PRKDC: variants seen among roughly 807,000 people sequenced by gnomAD.
The protein encoded by PRKDC is protein kinase, DNA-activated, catalytic subunit.
A neutral mutation model predicts 486.9 loss-of-function variants in PRKDC; 82 were observed. That is an observed-to-expected ratio of 0.17 (90% CI 0.14 to 0.20). The LOEUF is 0.20. PRKDC is among the 10% of genes least tolerant of loss of function. The pLI, the probability that PRKDC is intolerant of heterozygous loss-of-function variation, is 1.00. For synonymous variants in PRKDC, 1,895 were observed against 1,837.0 expected (o/e 1.03, Z -0.81); for missense variants, 4,504 against 5,038.2 (o/e 0.89, Z 3.21).
intron 1 of PRKDC, among the ~76,000 whole-genome samples, chr8:47,957,963 C>T (rs1280113671): frequency 6.6e-6 from 1 of 152,200 alleles, no homozygotes; most frequent in Non-Finnish European, 1.5e-5. Context: ...ATCCCAATCC[C>T]TGGGGTCACA....
At chr8:47,801,774 C>T (rs7838910) in intron 70 of PRKDC, among the ~76,000 whole-genome samples, 34,184 of 152,086 alleles carry the variant, frequency 0.22, 7,497 homozygotes, top group African/African-American at 0.56. Flanking sequence ...CCAGCGCTGG[C>T]TAAGTCTGCA....
At position 47,819,386 on chromosome 8, in the gene PRKDC, C is replaced by T. The variant is rs755999101; in HGVS notation, c.9445+16G>A. 2.3e-5 allele frequency: 33 copies of T among 1,430,846 alleles called. No individual in the cohort carries two copies. The highest frequency in any genetic ancestry group is 2.7e-5 in the Non-Finnish European group (29 of 1,057,174). 88.6% of individuals were successfully genotyped at this position (1,430,846 alleles called of 1,614,324 possible). A position where few individuals can be genotyped will look rare whatever the true frequency, so the allele number is the denominator to read the frequency against. ...ACAATTAGAAATGAAAAAAAAAGACCGATGAAAAAAATTACCTTGTTTGCT... is the reference window on the plus strand; with the variant it reads ...ACAATTAGAAATGAAAAAAAAAGACTGATGAAAAAAATTACCTTGTTTGCT... On this transcript the variant is annotated intron_variant, in intron 67 of 85. Coordinates refer to ENST00000314191, the MANE Select transcript of PRKDC (RefSeq NM_006904.7).
intron 85 of PRKDC, among the ~76,000 whole-genome samples, chr8:47,775,435 G>C (rs2086592379): frequency 7.4e-6 from 1 of 135,562 alleles, no homozygotes; most frequent in South Asian, 2.5e-4. Flanking sequence ...GCAATGGCGT[G>C]ATCTCGGCTC....
intron 78 of PRKDC, among the ~76,000 whole-genome samples, chr8:47,783,419 C>T (rs976951283): frequency 2.6e-5 from 4 of 151,806 alleles, no homozygotes; most frequent in African/African-American, 9.7e-5. Flanking sequence ...GAAACCCTGT[C>T]TCTACTAAAA....
chr8:47,816,017 C>T (rs780049966), intron 68 of PRKDC, among the ~76,000 whole-genome samples: 1 of 152,090 alleles, frequency 6.6e-6, no homozygotes, highest in East Asian at 1.9e-4. Context: ...AGTTCAAGAC[C>T]AGCTTGGCCA....
rs759496711 is a variant in PRKDC, at chr8:47,821,685, T to A, written c.9030A>T (p.Ser3010=). 81 of 1,601,798 alleles carry A rather than the reference T, an allele frequency of 5.1e-5. No individual in the cohort carries two copies. The Admixed American group carries it at 1.4e-3, about 27-fold the overall frequency. The change falls in exon 65 of 86, where the codon TCA becomes TCT. Residue 3010 remains serine, a synonymous_variant. Transcript: ENST00000314191. ...DCYNHLAEWK[S]LEYCSTASID... is the part of the protein sequence containing the mutation. Reference sequence around the variant, plus strand: ...TACTGGCTGTAGAACAGTATTCAAGTGATTTCCACTCAGCAAGGTGGTTGT... The same window carrying A: ...TACTGGCTGTAGAACAGTATTCAAGAGATTTCCACTCAGCAAGGTGGTTGT...
At chr8:47,874,088 C>T (rs1202353915) in intron 40 of PRKDC, among the ~76,000 whole-genome samples, 5 of 149,164 alleles carry the variant, frequency 3.4e-5, no homozygotes, top group Non-Finnish European at 5.9e-5. Flanking sequence ...GGACTACAGG[C>T]GCCCACCACC....
chr8:47,840,297 A>G (rs1001151853), intron 54 of PRKDC, 108 bp from the exon 55 acceptor site: 1 of 789,484 alleles, frequency 1.3e-6, no homozygotes, highest in East Asian at 2.7e-5. Context: ...GTTATAATAG[A>G]TAACGCTACA....
At position 47,834,159 on chromosome 8, in the gene PRKDC, G is replaced by C. The variant is rs561745697; in HGVS notation, c.8152+37C>G. The C allele has an allele frequency of 3.1e-6, 5 of 1,609,952 alleles. No individual in the cohort carries two copies. The Admixed American group carries it at 6.7e-5, about 21-fold the overall frequency. On this transcript the variant is annotated intron_variant, in intron 59 of 85. Coordinates refer to ENST00000314191, the MANE Select transcript of PRKDC (RefSeq NM_006904.7). The stretch of plus-strand genomic sequence containing the variant: ...CCTGAGCTCTGCAGTAATTTAGTGG[G>C]GAAGCTATTTTAAGCACACTCAGCA...
chr8:47,786,255 A>G (rs949190594), intron 76 of PRKDC, among the ~76,000 whole-genome samples: 2 of 151,342 alleles, frequency 1.3e-5, no homozygotes, highest in African/African-American at 2.4e-5. Context: ...TACTAAAAAT[A>G]AAAAAAATTA....
intron 21 of PRKDC, among the ~76,000 whole-genome samples, chr8:47,919,028 T>G (rs966599145): frequency 8.5e-5 from 13 of 152,140 alleles, no homozygotes; most frequent in African/African-American, 3.1e-4. Flanking sequence ...CCTGAAGCAC[T>G]GAGGGTAAGT....
At position 47,904,989 on chromosome 8, in the gene PRKDC, T is replaced by A; in HGVS notation, c.2935-13A>T. 1 of 1,571,614 alleles carries A rather than the reference T, an allele frequency of 6.4e-7. No homozygotes were observed. The highest frequency in any genetic ancestry group is 1.1e-5 in the South Asian group (1 of 89,760). On this transcript the variant is annotated splice_polypyrimidine_tract_variant and intron_variant, in intron 25 of 85. Transcript: ENST00000314191. ...GTTGCCTTGTCACCTGAAGAAACAATACCATTAAAGTTAATTCCCTTCATG... is the reference window on the plus strand; with the variant it reads ...GTTGCCTTGTCACCTGAAGAAACAAAACCATTAAAGTTAATTCCCTTCATG...
At chr8:47,895,710 T>TA (rs894086160) in intron 30 of PRKDC, among the ~76,000 whole-genome samples, 8 of 148,112 alleles carry the variant, frequency 5.4e-5, no homozygotes, top group South Asian at 4.3e-4. Flanking sequence ...ACTTAACATA[T>TA]AAAAAAAAAA....
chr8:47,900,882 T>G (rs2089668649), intron 27 of PRKDC, among the ~76,000 whole-genome samples: 2 of 151,728 alleles, frequency 1.3e-5, no homozygotes, highest in Admixed American at 6.6e-5. Context: ...TGTTGTTGTT[T>G]TTTTAAAGGC....
At chr8:47,877,406 GT>G in intron 40 of PRKDC, among the ~76,000 whole-genome samples, 1 of 152,296 alleles carries the variant, frequency 6.6e-6, no homozygotes, top group South Asian at 2.1e-4. Context: ...GATTTAAGAG[GT>G]GAAACGACAT....
chr8:47,795,723 C>A (rs558164057), intron 73 of PRKDC, among the ~76,000 whole-genome samples: 3 of 150,054 alleles, frequency 2.0e-5, no homozygotes, highest in Non-Finnish European at 4.4e-5. Flanking sequence ...GAACTCCTGA[C>A]CTCAGGTGAT....
chr8:47,941,236 G>A (rs1395488834), intron 10 of PRKDC, among the ~76,000 whole-genome samples: 1 of 151,588 alleles, frequency 6.6e-6, no homozygotes, highest in Non-Finnish European at 1.5e-5. Context: ...AAAAAATTAT[G>A]TATCCTTTAT....
intron 40 of PRKDC, among the ~76,000 whole-genome samples, chr8:47,873,186 AGGTATACACACAGCCTG>A (rs1475710524): frequency 6.9e-6 from 1 of 145,474 alleles, no homozygotes; most frequent in Non-Finnish European, 1.5e-5. Context: ...TCTCACTGTT[AGGTATACACACAGCCTG>A]GGTGACACAG....
At chr8:47,788,669 C>T (rs752419696) in intron 76 of PRKDC, among the ~76,000 whole-genome samples, 4 of 152,190 alleles carry the variant, frequency 2.6e-5, no homozygotes, top group Non-Finnish European at 5.9e-5. Context: ...TGAGCATGAA[C>T]AACGTGTAAT....
Sources: gnomAD v4.1 joint callset for allele counts (sites outside exome capture counted in the v4.1 genomes callset) on GRCh38, gnomAD v4.1.1 for gene constraint, MANE v1.5 for transcripts, NCBI Gene and HGNC (gene_info 2026-07-23, HGNC 2026-07-21) for gene names.